The following NTRK3 variants were observed in gnomAD, a reference collection of about 807,000 sequenced individuals.
NTRK3 encodes the protein NT-3 growth factor receptor.
Under a neutral mutation model 91.7 loss-of-function variants are expected in NTRK3, and 24 were observed. The observed-to-expected ratio is 0.26, with a 90% CI of 0.19 to 0.37. The LOEUF is 0.37. NTRK3 is among the 10% of genes least tolerant of loss of function. The probability of loss-of-function intolerance (pLI) is 1.00; values close to 1 mark genes in which losing one functional copy is unlikely to be tolerated. For synonymous variants in NTRK3, 483 were observed against 404.0 expected, an observed-to-expected ratio of 1.20 and a Z score of -2.34; for missense variants, 880 against 1,068.9, an observed-to-expected ratio of 0.82 and a Z score of 2.46.
intron 14 of NTRK3, among the ~76,000 whole-genome samples, chr15:88,026,739 T>C (rs1211653655): frequency 6.6e-6 from 1 of 152,190 alleles, no homozygotes; most frequent in Non-Finnish European, 1.5e-5. Context: ...GGTGGGGACT[T>C]AAAGGAAATA....
At chr15:88,148,408 C>T (rs185336102) in intron 5 of NTRK3, among the ~76,000 whole-genome samples, 1 of 152,288 alleles carries the variant, frequency 6.6e-6, no homozygotes, top group East Asian at 1.9e-4. Context: ...AGAGTATCAA[C>T]ACCGTGATGT....
At chr15:88,063,281 T>G (rs186115280) in intron 13 of NTRK3, among the ~76,000 whole-genome samples, 1 of 152,376 alleles carries the variant, frequency 6.6e-6, no homozygotes, top group South Asian at 2.1e-4. Flanking sequence ...CATCATTTCT[T>G]GCTTTCCAGT....
chr15:87,896,275 A>G (rs2066116634), intron 17 of NTRK3, among the ~76,000 whole-genome samples: 1 of 152,176 alleles, frequency 6.6e-6, no homozygotes, highest in African/African-American at 2.4e-5. Context: ...CATAGAGATC[A>G]TCCCGGCCAA....
At chr15:88,177,668 C>T (rs1389702610) in intron 5 of NTRK3, among the ~76,000 whole-genome samples, 1 of 152,138 alleles carries the variant, frequency 6.6e-6, no homozygotes, top group East Asian at 1.9e-4. Flanking sequence ...AAGGTTGACT[C>T]ATGACTGGGG....
chr15:88,239,476 AAT>A (rs1407061698), intron 3 of NTRK3, among the ~76,000 whole-genome samples: 1 of 152,158 alleles, frequency 6.6e-6, no homozygotes, highest in Non-Finnish European at 1.5e-5. Flanking sequence ...CATTTTTACA[AAT>A]CCACTTGAGT....
At chr15:88,094,319 A>T (rs1349509415) in intron 13 of NTRK3, among the ~76,000 whole-genome samples, 4 of 151,270 alleles carry the variant, frequency 2.6e-5, no homozygotes, top group Non-Finnish European at 5.9e-5. Flanking sequence ...ACAAAAAAAA[A>T]TTAGCCGGGC....
At position 87,939,882 on chromosome 15, in the gene NTRK3, G is replaced by A. The variant is rs144732552; in HGVS notation, c.1716+741C>T. ...ACAAAGAGAAGCTGTTGACTGCTGG[G>A]TGGAAGAGTCTGGAAGGACAACTAG... is the stretch of plus-strand genomic sequence containing the variant. On this transcript the variant is annotated intron_variant, in intron 15 of 18. Coordinates refer to ENST00000394480, the Ensembl canonical transcript of NTRK3. Among the ~76,000 whole-genome samples the A allele has an allele frequency of 4.7e-3, 712 of 152,324 alleles. 12 individuals carry two copies. Among genetic ancestry groups the A allele is most frequent in the Admixed American group, 7.0e-3 (107 of 15,304 alleles).
intron 14 of NTRK3, among the ~76,000 whole-genome samples, chr15:88,000,365 C>T (rs76090229): frequency 0.03 from 4,506 of 152,272 alleles, 241 homozygotes; most frequent in African/African-American, 0.1. Context: ...TCCAATAGGG[C>T]AGTGTATACC....
chr15:88,006,845 C>T (rs117038158), intron 14 of NTRK3, among the ~76,000 whole-genome samples: 226 of 152,294 alleles, frequency 1.5e-3, no homozygotes, highest in Non-Finnish European at 2.9e-3. Flanking sequence ...AGTTTCCAAA[C>T]TGTGGATTTC....
chr15:88,256,547 G>T, intron 1 of NTRK3, 61 bp from the exon 2 acceptor site: 1 of 510,768 alleles, frequency 2.0e-6, no homozygotes, highest in Non-Finnish European at 3.4e-6. Flanking sequence ...GGAAAAAATG[G>T]TGCTAAAGTC....
chr15:87,976,501 G>A (rs1298130421), intron 14 of NTRK3, among the ~76,000 whole-genome samples: 1 of 152,116 alleles, frequency 6.6e-6, no homozygotes, highest in Non-Finnish European at 1.5e-5. Flanking sequence ...ATCCACCCAG[G>A]AGCCTTTTCC....
intron 11 of NTRK3, 31 bp from the exon 12 acceptor site, chr15:88,127,257 A>G (rs374017983): frequency 6.2e-7 from 1 of 1,601,518 alleles, no homozygotes; most frequent in Non-Finnish European, 8.6e-7. Context: ...GGAGGAGGAC[A>G]GTTAGCTTCC....
chr15:88,225,348 C>T (rs1006936089), intron 3 of NTRK3, among the ~76,000 whole-genome samples: 17 of 152,116 alleles, frequency 1.1e-4, no homozygotes, highest in African/African-American at 4.1e-4. Flanking sequence ...AGGGGCTATA[C>T]CCTCTGTACT....
exon 14 of NTRK3, chr15:88,032,970 G>A (rs2142021452): frequency 1.9e-6 from 3 of 1,612,404 alleles, no homozygotes; most frequent in Non-Finnish European, 2.5e-6. Flanking sequence ...CAGTGACGAG[G>A]GCGTGGTGAT....
chr15:88,253,945 A>G (rs1018782332), intron 3 of NTRK3, among the ~76,000 whole-genome samples: 1 of 152,172 alleles, frequency 6.6e-6, no homozygotes, highest in African/African-American at 2.4e-5. Flanking sequence ...TCATTTTCAG[A>G]GGAGCAACAC....
rs558980344 is a variant in NTRK3, at chr15:87,958,529, T to TC, written c.1586-17777dup. On this transcript the variant is annotated intron_variant, in intron 14 of 18. Coordinates refer to ENST00000394480, the Ensembl canonical transcript of NTRK3. ...CTTGAATCTGACCTTCCCCAGGGCG[T>TC]CCCTATGTGGTAAGCAGCATTCCCA... is the stretch of plus-strand genomic sequence containing the variant. Among the ~76,000 whole-genome samples the TC allele has an allele frequency of 1.7e-4, 26 of 152,016 alleles. No homozygotes were observed. In the East Asian group the frequency reaches 5.1e-3, roughly 30 times the overall value.
At chr15:87,921,129 A>G (rs1465749) in intron 17 of NTRK3, among the ~76,000 whole-genome samples, 23,378 of 152,214 alleles carry the variant, frequency 0.15, 1,997 homozygotes, top group South Asian at 0.24. Flanking sequence ...ATAAAATTTT[A>G]TTATAAAAAT....
intron 17 of NTRK3, among the ~76,000 whole-genome samples, chr15:87,892,578 ATAT>A (rs1385179603): frequency 6.6e-6 from 1 of 152,192 alleles, no homozygotes; most frequent in African/African-American, 2.4e-5. Flanking sequence ...ATTGATATGT[ATAT>A]TATTTTGTCG....
At position 87,921,947 on chromosome 15, in the gene NTRK3, C is replaced by A. The variant is rs949606337; in HGVS notation, c.2133+7244G>T. ...CATCAGTAAGAATTCTATCATTATT[C>A]AAGTGTACTTTATAATCTTCATCTG... On this transcript the variant is annotated intron_variant, in intron 17 of 18. Transcript: ENST00000394480. Among the ~76,000 whole-genome samples, 4 of 151,862 alleles carry A rather than the reference C, an allele frequency of 2.6e-5. No homozygotes were observed. The South Asian group carries it at 8.3e-4, about 31-fold the overall frequency.
Sources: allele counts gnomAD v4.1 joint callset (sites outside exome capture counted in the v4.1 genomes callset), GRCh38; gene constraint gnomAD v4.1.1; transcripts MANE v1.5; gene names NCBI Gene and HGNC (gene_info 2026-07-23, HGNC 2026-07-21).